The following FRMD4A variants were observed in gnomAD, a reference collection of about 807,000 sequenced individuals.
FRMD4A encodes the protein FERM domain containing 4A.
In FRMD4A, 29 loss-of-function variants were observed where a neutral mutation model predicts 129.1. The ratio of observed to expected loss-of-function variants is 0.22; its 90% CI spans 0.17 to 0.31. FRMD4A has a LOEUF of 0.31. FRMD4A is among the 10% of genes least tolerant of loss of function. The pLI, the probability that FRMD4A is intolerant of heterozygous loss-of-function variation, is 1.00. For synonymous variants in FRMD4A, 634 were observed against 571.6 expected, an observed-to-expected ratio of 1.11 and a Z score of -1.56; for missense variants, 1,272 against 1,375.8, an observed-to-expected ratio of 0.92 and a Z score of 1.19.
intron 12 of FRMD4A, among the ~76,000 whole-genome samples, chr10:13,719,701 C>T (rs921541875): frequency 5.3e-5 from 8 of 152,106 alleles, no homozygotes; most frequent in Non-Finnish European, 8.8e-5. Flanking sequence ...GCTGGTTCAG[C>T]AGAAACAAGC....
At chr10:13,972,224 G>T (rs899296091) in intron 2 of FRMD4A, 2 of 1,005,704 alleles carry the variant, frequency 2.0e-6, no homozygotes, top group Non-Finnish European at 2.4e-6. Flanking sequence ...TCCAGGGTGA[G>T]AAAGCTAAGA....
intron 2 of FRMD4A, among the ~76,000 whole-genome samples, chr10:14,314,946 A>G (rs1846681296): frequency 1.6e-5 from 1 of 63,918 alleles, no homozygotes; most frequent in Admixed American, 1.8e-4. Flanking sequence ...AATCTTATAT[A>G]TAGTTTTTTT....
intron 15 of FRMD4A, chr10:13,675,609 C>T (rs1281009140): frequency 2.0e-5 from 3 of 152,416 alleles, no homozygotes; most frequent in African/African-American, 7.3e-5. Flanking sequence ...CCATGTTGGC[C>T]AGGCTGGTCT....
chr10:13,891,291 A>G (rs2094693279), intron 2 of FRMD4A, among the ~76,000 whole-genome samples: 1 of 151,980 alleles, frequency 6.6e-6, no homozygotes, highest in South Asian at 2.1e-4. Context: ...TGGCACTCTC[A>G]GAAAATGGTT....
chr10:14,183,774 C>A (rs1022774116), intron 2 of FRMD4A, among the ~76,000 whole-genome samples: 2 of 152,188 alleles, frequency 1.3e-5, no homozygotes, highest in Non-Finnish European at 2.9e-5. Flanking sequence ...CAGAGACACT[C>A]ATGCCTGAGG....
Position 14,326,915 on chromosome 10 carries a change from C to T in FRMD4A, c.45+3143G>A, listed in dbSNP as rs76162977. On this transcript the variant is annotated intron_variant, in intron 2 of 24. Coordinates refer to ENST00000357447, the MANE Select transcript of FRMD4A (RefSeq NM_018027.5). The stretch of plus-strand genomic sequence containing the variant: ...GGCAGCTTTTCAACAGCCTAAAAGG[C>T]CATCTCCACCACCAGAATGTGTCTT... 1,095 of 398,726 alleles carry T rather than the reference C, an allele frequency of 2.7e-3. 24 individuals carry two copies. The East Asian group carries it at 0.03, about 11-fold the overall frequency. 24.7% of individuals were successfully genotyped at this position (398,726 alleles called of 1,614,324 possible). A position where few individuals can be genotyped will look rare whatever the true frequency, so the allele number is the denominator to read the frequency against.
At chr10:14,208,248 A>G (rs1842841584) in intron 2 of FRMD4A, among the ~76,000 whole-genome samples, 1 of 152,104 alleles carries the variant, frequency 6.6e-6, no homozygotes, top group Non-Finnish European at 1.5e-5. Context: ...TATTGCTTAA[A>G]TCCTACATGC....
At chr10:13,768,988 T>A (rs80134557) in intron 6 of FRMD4A, among the ~76,000 whole-genome samples, 1 of 38,542 alleles carries the variant, frequency 2.6e-5, no homozygotes, top group Non-Finnish European at 8.5e-5. Context: ...TTACTAGATT[T>A]TTTTTTTTTT....
At chr10:14,184,911 A>G (rs1055478933) in intron 2 of FRMD4A, among the ~76,000 whole-genome samples, 1 of 152,222 alleles carries the variant, frequency 6.6e-6, no homozygotes, top group African/African-American at 2.4e-5. Flanking sequence ...GAGCACAAAC[A>G]AACGCGACCG....
intron 4 of FRMD4A, among the ~76,000 whole-genome samples, chr10:13,809,600 C>T (rs911415862): frequency 3.3e-5 from 5 of 152,208 alleles, no homozygotes; most frequent in African/African-American, 1.2e-4. Flanking sequence ...GCCTGCAATT[C>T]CTCCTGCCCA....
chr10:13,840,780 C>T (rs2093950933), intron 3 of FRMD4A, among the ~76,000 whole-genome samples: 1 of 92,152 alleles, frequency 1.1e-5, no homozygotes, highest in African/African-American at 4.6e-5. Flanking sequence ...AAGAGTGAGA[C>T]TCTGTCTCAA....
At position 14,300,320 on chromosome 10, in the gene FRMD4A, C is replaced by T. The variant is rs182926293; in HGVS notation, c.45+29738G>A. 7.9e-4 allele frequency among the ~76,000 whole-genome samples: 120 copies of T among 152,290 alleles called. 1 individual carries two copies. The highest frequency in any genetic ancestry group is 3.3e-3 in the Admixed American group (51 of 15,294). ...GAGGTATGATGGGCTGATCTGAGCA[C>T]TGACTTTGCCATGCCCTGCACCAAG... On this transcript the variant is annotated intron_variant, in intron 2 of 24. Coordinates refer to ENST00000357447, the MANE Select transcript of FRMD4A (RefSeq NM_018027.5).
At chr10:13,917,207 C>T (rs539298456) in intron 2 of FRMD4A, among the ~76,000 whole-genome samples, 2 of 151,896 alleles carry the variant, frequency 1.3e-5, no homozygotes, top group East Asian at 3.9e-4. Flanking sequence ...GATAAGCATG[C>T]GGATATTAAT....
chr10:13,682,493 CTTTCTTTTTTTT>C (rs1247387356), intron 15 of FRMD4A, among the ~76,000 whole-genome samples: 1 of 96,262 alleles, frequency 1.0e-5, no homozygotes, highest in Non-Finnish European at 2.4e-5. Context: ...CATTTTCTTT[CTTTCTTTTTTTT>C]TTTTTTTTTT....
chr10:14,175,193 C>T (rs865901141), intron 2 of FRMD4A, among the ~76,000 whole-genome samples: 7 of 152,228 alleles, frequency 4.6e-5, no homozygotes, highest in Middle Eastern at 3.4e-3. Flanking sequence ...GGGGCCAGGA[C>T]CCCTTTTGCA....
rs572393744 is a variant in FRMD4A at position 13,644,828 on chromosome 10, C to G, written c.*2210G>C. Reference sequence around the variant, plus strand: ...AAAAAAATCACTGTTCTTTGTAGCTCTAACCATGAAAGTAAAAGCAACAAA... The same window carrying G: ...AAAAAAATCACTGTTCTTTGTAGCTGTAACCATGAAAGTAAAAGCAACAAA... On this transcript the variant is annotated 3_prime_UTR_variant, in exon 25 of 25. Transcript: ENST00000357447. 1 of 152,154 alleles carries G rather than the reference C, an allele frequency of 6.6e-6. No individual in the cohort carries two copies. The highest frequency in any genetic ancestry group is 1.5e-5 in the Non-Finnish European group (1 of 68,022). 9.4% of individuals were successfully genotyped at this position (152,154 alleles called of 1,614,324 possible).
At chr10:13,976,697 A>C (rs71479857) in intron 2 of FRMD4A, among the ~76,000 whole-genome samples, 1 of 152,214 alleles carries the variant, frequency 6.6e-6, no homozygotes, top group Non-Finnish European at 1.5e-5. Context: ...AAATACACAG[A>C]AAACAGCATA....
chr10:13,667,502 G>A (rs2083154255), intron 17 of FRMD4A: 2 of 152,306 alleles, frequency 1.3e-5, no homozygotes, highest in Admixed American at 1.3e-4. Context: ...AAAATGCCTG[G>A]TGGACCTAGC....
At chr10:14,044,957 C>A (rs1170018706) in intron 2 of FRMD4A, among the ~76,000 whole-genome samples, 1 of 152,160 alleles carries the variant, frequency 6.6e-6, no homozygotes, top group Non-Finnish European at 1.5e-5. Flanking sequence ...CACTGTGTCA[C>A]CCAGGCTGGA....
Sources: allele counts gnomAD v4.1 joint callset (sites outside exome capture counted in the v4.1 genomes callset), GRCh38; gene constraint gnomAD v4.1.1; transcripts MANE v1.5; gene names NCBI Gene and HGNC (gene_info 2026-07-23, HGNC 2026-07-21).